The following MED13L variants were observed in gnomAD, a reference collection of about 807,000 sequenced individuals.
MED13L encodes mediator of RNA polymerase II transcription subunit 13-like.
Under a neutral mutation model 220.9 loss-of-function variants are expected in MED13L, and 7 were observed. That is an observed-to-expected ratio of 0.03 (90% CI 0.02 to 0.06). The LOEUF (loss-of-function observed/expected upper bound fraction) is 0.06. MED13L is among the 10% of genes least tolerant of loss of function. MED13L has a pLI of 1.00. For synonymous variants in MED13L, 1,011 were observed against 1,015.2 expected, an observed-to-expected ratio of 1.00 and a Z score of 0.08; for missense variants, 1,965 against 2,760.5, an observed-to-expected ratio of 0.71 and a Z score of 6.46.
At chr12:115,971,167 T>C (rs1163314598) in intron 26 of MED13L, among the ~76,000 whole-genome samples, 2 of 152,216 alleles carry the variant, frequency 1.3e-5, no homozygotes, top group South Asian at 4.1e-4. Context: ...TAACACTTAA[T>C]GAATGCTTAC....
intron 4 of MED13L, among the ~76,000 whole-genome samples, chr12:116,085,638 T>G (rs78961642): frequency 6.6e-6 from 1 of 152,028 alleles, no homozygotes; most frequent in Non-Finnish European, 1.5e-5. Flanking sequence ...TGATGTACAC[T>G]GGAAACTAAA....
chr12:116,062,404 T>C (rs1039850263), intron 4 of MED13L, among the ~76,000 whole-genome samples: 3 of 151,798 alleles, frequency 2.0e-5, no homozygotes, highest in Non-Finnish European at 4.4e-5. Context: ...TCTGCCCACC[T>C]CAACCTCCCT....
Position 115,970,724 on chromosome 12 carries a change from G to A in MED13L, c.5937C>T (p.Asn1979=). The change falls in exon 27 of 31, where the codon AAC becomes AAT. Residue 1979 remains asparagine (N), a synonymous_variant. Transcript: ENST00000281928. ...GGGTGTTGAGCTGAGATGACTGCAT[G>A]TTCAGTGCAGTACTTCGGCCAAAAA... ...GSVFGRSTAL[N]MQSSQLNTPQ... The A allele has an allele frequency of 6.2e-7, 1 of 1,614,042 alleles. No homozygotes were observed. Among genetic ancestry groups the A allele is most frequent in the South Asian group, 1.1e-5 (1 of 91,080 alleles).
At chr12:116,039,151 C>T (rs1230418732) in intron 4 of MED13L, among the ~76,000 whole-genome samples, 2 of 152,182 alleles carry the variant, frequency 1.3e-5, no homozygotes, top group African/African-American at 4.8e-5. Context: ...TTTTTAAAGG[C>T]ACTGCTTAGC....
At chr12:116,088,230 G>A (rs185537516) in intron 4 of MED13L, among the ~76,000 whole-genome samples, 6 of 152,130 alleles carry the variant, frequency 3.9e-5, no homozygotes, top group East Asian at 1.9e-4. Context: ...ACAGAAACCC[G>A]ACCTTGGTTC....
chr12:115,963,116 T>C (rs900778137), intron 30 of MED13L, among the ~76,000 whole-genome samples: 2 of 152,202 alleles, frequency 1.3e-5, no homozygotes, highest in Admixed American at 6.5e-5. Context: ...GTCTTCTAAC[T>C]ATCCACCCCC....
At position 115,997,078 on chromosome 12, in the gene MED13L, T is replaced by C. The variant is rs1275754935; in HGVS notation, c.2722A>G (p.Thr908Ala). The C allele has an allele frequency of 6.2e-6, 10 of 1,614,038 alleles. No homozygotes were observed. Among genetic ancestry groups the C allele is most frequent in the South Asian group, 3.3e-5 (3 of 91,090 alleles). ...TCCATTTTGAATTCTGTGAGTTGTG[T>C]TGAAACCATACTGACCATAGGGCTC... Reference protein sequence around the residue: ...MESPMVSMVSTQLTEFKMEVE... With the variant: ...MESPMVSMVSAQLTEFKMEVE... Residue 908 changes from threonine (T) to alanine (A), a missense_variant, in exon 15 of 31, where the codon ACA becomes GCA. Around this residue, in one of 10 missense-constraint regions of MED13L, gnomAD observed 233 missense variants for 306.2 expected, o/e 0.76. Coordinates refer to ENST00000281928, the MANE Select transcript of MED13L (RefSeq NM_015335.5).
intron 2 of MED13L, among the ~76,000 whole-genome samples, chr12:116,167,941 A>T (rs2138168699): frequency 6.6e-6 from 1 of 152,336 alleles, no homozygotes; most frequent in Admixed American, 6.5e-5. Flanking sequence ...TTTTCTAGAC[A>T]GCACTTTTCA....
At chr12:116,082,235 A>C (rs1871286699) in intron 4 of MED13L, among the ~76,000 whole-genome samples, 1 of 152,084 alleles carries the variant, frequency 6.6e-6, no homozygotes, top group East Asian at 1.9e-4. Context: ...CACTCTTTTC[A>C]TTTCAAGCTA....
chr12:116,032,648 C>T (rs954831290), intron 4 of MED13L, among the ~76,000 whole-genome samples: 9 of 152,150 alleles, frequency 5.9e-5, no homozygotes, highest in Non-Finnish European at 1.0e-4. Flanking sequence ...ACAAGTTTTC[C>T]TTAAATGCCA....
At chr12:116,113,305 T>C (rs1345569196) in intron 2 of MED13L, among the ~76,000 whole-genome samples, 1 of 151,952 alleles carries the variant, frequency 6.6e-6, no homozygotes, top group Non-Finnish European at 1.5e-5. Flanking sequence ...ATTCGGCACA[T>C]TGTTTAAAAC....
chr12:116,118,547 C>T (rs1442302097), intron 2 of MED13L, among the ~76,000 whole-genome samples: 2 of 152,104 alleles, frequency 1.3e-5, no homozygotes, highest in East Asian at 1.9e-4. Context: ...AAGGATAATG[C>T]ATTAATTTGC....
At chr12:116,167,355 G>C (rs570653502) in intron 2 of MED13L, among the ~76,000 whole-genome samples, 1 of 152,252 alleles carries the variant, frequency 6.6e-6, no homozygotes, top group South Asian at 2.1e-4. Context: ...CAAAAGATTT[G>C]ATGCCAGTCT....
chr12:116,091,119 T>G (rs1872161409), intron 4 of MED13L, among the ~76,000 whole-genome samples: 1 of 49,258 alleles, frequency 2.0e-5, no homozygotes, highest in Admixed American at 2.9e-4. Flanking sequence ...GAACTCTGTC[T>G]CAAAAAAAAA....
intron 2 of MED13L, among the ~76,000 whole-genome samples, chr12:116,210,670 A>C (rs1882646102): frequency 1.3e-5 from 2 of 150,568 alleles, no homozygotes; most frequent in African/African-American, 4.9e-5. Context: ...CCTAACATTA[A>C]TCCTACAAAT....
At chr12:116,276,906 C>G in intron 1 of MED13L, 154 bp downstream of exon 1, 1 of 998,990 alleles carries the variant, frequency 1.0e-6, no homozygotes, top group Admixed American at 2.1e-5. Flanking sequence ...GAGAGACGAT[C>G]CAAAAGGGGG....
intron 30 of MED13L, among the ~76,000 whole-genome samples, chr12:115,963,154 A>C (rs1410238922): frequency 2.6e-5 from 4 of 152,216 alleles, no homozygotes; most frequent in African/African-American, 9.7e-5. Context: ...CATCACCATG[A>C]AGTGCCTGCT....
intron 3 of MED13L, among the ~76,000 whole-genome samples, chr12:116,099,112 T>C (rs1043516903): frequency 1.3e-5 from 2 of 152,138 alleles, no homozygotes; most frequent in African/African-American, 4.8e-5. Context: ...CAATGGCAAT[T>C]TTTGTAGATG....
chr12:116,070,262 C>G (rs1167985591), intron 4 of MED13L, among the ~76,000 whole-genome samples: 1 of 152,100 alleles, frequency 6.6e-6, no homozygotes, highest in Non-Finnish European at 1.5e-5. Flanking sequence ...AGCTATCTGA[C>G]CTTTTAGCAA....
Sources: allele counts gnomAD v4.1 joint callset (sites outside exome capture counted in the v4.1 genomes callset), GRCh38; gene constraint gnomAD v4.1.1; regional missense constraint gnomAD v4.1.1; transcripts MANE v1.5; gene names NCBI Gene and HGNC (gene_info 2026-07-23, HGNC 2026-07-21).